The following SPAG1 variants were observed in gnomAD, a reference collection of about 807,000 sequenced individuals.
The protein encoded by SPAG1 is sperm-associated antigen 1.
A neutral mutation model predicts 100.5 loss-of-function variants in SPAG1; 69 were observed. The observed-to-expected ratio is 0.69, with a 90% CI of 0.57 to 0.84. The LOEUF (loss-of-function observed/expected upper bound fraction) is 0.84. Among genes scored for constraint, SPAG1 ranks in the 40% least tolerant of loss-of-function variants. The pLI is 0.00. For synonymous variants in SPAG1, 336 were observed against 411.6 expected, an observed-to-expected ratio of 0.82 and a Z score of 2.22; for missense variants, 955 against 1,133.1, an observed-to-expected ratio of 0.84 and a Z score of 2.26.
In SPAG1 at chr8:100,213,100, G is replaced by A; in HGVS notation, c.1107G>A (p.Glu369=). The change falls in exon 11 of 19, where the codon GAG becomes GAA. Residue 369 remains glutamate, a synonymous_variant. Transcript: ENST00000388798. ...EDGGGDKKPA[E]PAGAARAAQP... ...TCCACTTCCTCACAGAGCCCGCGGA[G>A]CCGGCGGGAGCCGCGCGCGCCGCCC... 1 of 1,475,738 alleles carries A rather than the reference G, an allele frequency of 6.8e-7. No homozygotes were observed. Among genetic ancestry groups the A allele is most frequent in the Non-Finnish European group, 8.9e-7 (1 of 1,120,028 alleles). The allele number at this position is 1,475,738 out of a possible 1,614,324, so 91.4% of individuals were successfully genotyped here.
intron 10 of SPAG1, among the ~76,000 whole-genome samples, chr8:100,196,961 G>A (rs545570608): frequency 2.6e-5 from 4 of 151,300 alleles, no homozygotes; most frequent in East Asian, 1.9e-4. Context: ...TCGCCATTTC[G>A]CCCAGGCTGG....
chr8:100,170,305 A>G lies in SPAG1; in HGVS notation c.300+4332A>G, dbSNP rs141979366. On this transcript the variant is annotated intron_variant, in intron 3 of 18. Coordinates refer to ENST00000388798, the MANE Select transcript of SPAG1 (RefSeq NM_003114.5). ...TTATATGTAGCTCATGCTATTATAA[A>G]TGTTAATATTTTTATAATTTCAATT... is the stretch of plus-strand genomic sequence containing the variant. Among the ~76,000 whole-genome samples the G allele has an allele frequency of 4.3e-3, 650 of 152,334 alleles. 4 individuals carry two copies. Among genetic ancestry groups the G allele is most frequent in the African/African-American group, 0.015 (607 of 41,576 alleles).
chr8:100,220,841 G>C (rs1818239387), intron 13 of SPAG1, among the ~76,000 whole-genome samples: 1 of 152,176 alleles, frequency 6.6e-6, no homozygotes, highest in Non-Finnish European at 1.5e-5. Context: ...GGGAGGCCAA[G>C]GCGGGTGGAT....
chr8:100,178,285 T>C (rs1347296803), intron 4 of SPAG1, among the ~76,000 whole-genome samples: 2 of 152,008 alleles, frequency 1.3e-5, no homozygotes, highest in Non-Finnish European at 2.9e-5. Flanking sequence ...CAGGGAACAA[T>C]TGTATATATC....
At chr8:100,174,623 A>C (rs1459281121) in intron 3 of SPAG1, among the ~76,000 whole-genome samples, 1 of 152,176 alleles carries the variant, frequency 6.6e-6, no homozygotes, top group Non-Finnish European at 1.5e-5. Flanking sequence ...CACAGAGGGT[A>C]GATGTTGTGA....
chr8:100,190,877 C>G (rs1050319889), intron 8 of SPAG1, among the ~76,000 whole-genome samples: 18 of 151,856 alleles, frequency 1.2e-4, no homozygotes, highest in African/African-American at 4.3e-4. Flanking sequence ...GCCATGTTGG[C>G]CAGGCTGGTC....
At chr8:100,168,732 G>A (rs1050540162) in intron 3 of SPAG1, among the ~76,000 whole-genome samples, 9 of 117,778 alleles carry the variant, frequency 7.6e-5, no homozygotes, top group Admixed American at 2.2e-4. Flanking sequence ...TTGTTGCCCA[G>A]GCTGGAGTGC....
chr8:100,235,741 T>A (rs550347297), intron 16 of SPAG1, among the ~76,000 whole-genome samples: 1 of 152,152 alleles, frequency 6.6e-6, no homozygotes, highest in East Asian at 1.9e-4. Flanking sequence ...GCAGTCAGCG[T>A]GCATGTCCCG....
At chr8:100,166,174 A>G (rs184326100) in intron 3 of SPAG1, among the ~76,000 whole-genome samples, 1 of 152,346 alleles carries the variant, frequency 6.6e-6, no homozygotes, top group East Asian at 1.9e-4. Flanking sequence ...ATTTAAATTG[A>G]TTAAATAATA....
chr8:100,162,406 T>A lies in SPAG1; in HGVS notation c.126T>A (p.Ile42=). ...CAGATGTTAAACATCTGGAAAAAATTCTTTGCGTGCTCAGGTAAGCATTTT... is the reference window on the plus strand; with the variant it reads ...CAGATGTTAAACATCTGGAAAAAATACTTTGCGTGCTCAGGTAAGCATTTT... ...KCSDVKHLEK[I]LCVLRSGEEG... Residue 42 remains isoleucine, a synonymous_variant, in exon 2 of 19, where the codon ATT becomes ATA. Transcript: ENST00000388798. The A allele has an allele frequency of 6.3e-7, 1 of 1,582,608 alleles. No homozygotes were observed. The highest frequency in any genetic ancestry group is 8.5e-7 in the Non-Finnish European group (1 of 1,169,860).
intron 10 of SPAG1, among the ~76,000 whole-genome samples, chr8:100,196,157 T>C (rs1002986025): frequency 6.6e-6 from 1 of 152,222 alleles, no homozygotes. Context: ...TATTCACTAA[T>C]CATGAGTAAA....
chr8:100,225,233 T>A lies in SPAG1; in HGVS notation c.1749T>A (p.Ile583=), dbSNP rs372357392. The change falls in exon 14 of 19, where the codon ATT becomes ATA. Residue 583 remains isoleucine, a synonymous_variant. Coordinates refer to ENST00000388798, the MANE Select transcript of SPAG1 (RefSeq NM_003114.5). The part of the protein sequence containing the change: ...GPNWREKLSP[I]PAVPASVPLQ... ...ATTGGCGGGAGAAGCTGTCACCTAT[T>A]CCTGCTGTGCCTGCTTCTGTGCCAC... 3.7e-6 allele frequency: 6 copies of A among 1,613,750 alleles called. No individual in the cohort carries two copies. In the African/African-American group the frequency reaches 8.0e-5, roughly 22 times the overall value.
rs1816618331 is a variant in SPAG1 at position 100,187,124 on chromosome 8, A to G, written c.706A>G (p.Ile236Val). 6.2e-7 allele frequency: 1 copy of G among 1,605,310 alleles called. No homozygotes were observed. Among genetic ancestry groups the G allele is most frequent in the Non-Finnish European group, 8.5e-7 (1 of 1,176,498 alleles). The part of the protein sequence containing the change: ...EEAVMYYTRS[I>V]SALPTVVAYN... ...CAGTAACTGTTTCTTTTCTAGGAGC[A>G]TATCAGCGCTTCCCACTGTAGTTGC... The change falls in exon 8 of 19, where the codon ATA becomes GTA. Residue 236 changes from isoleucine to valine, a missense_variant. Ile to Val is a conservative substitution (Grantham distance 29, BLOSUM62 3). Coordinates refer to ENST00000388798, the MANE Select transcript of SPAG1 (RefSeq NM_003114.5).
chr8:100,211,559 G>T (rs1031852385), intron 10 of SPAG1, among the ~76,000 whole-genome samples: 2 of 152,192 alleles, frequency 1.3e-5, no homozygotes, highest in Non-Finnish European at 2.9e-5. Flanking sequence ...TGCTCTGGAA[G>T]CTAAGGGGAG....
chr8:100,178,999 G>A (rs974190728), intron 4 of SPAG1, among the ~76,000 whole-genome samples: 25 of 150,368 alleles, frequency 1.7e-4, no homozygotes, highest in African/African-American at 5.9e-4. Context: ...GGAGGCTGAG[G>A]CACGAGAATT....
In SPAG1 at chr8:100,203,187, C is replaced by T. The variant is rs532308733; in HGVS notation, c.1096+8919C>T. On this transcript the variant is annotated intron_variant, in intron 10 of 18. Coordinates refer to ENST00000388798, the MANE Select transcript of SPAG1 (RefSeq NM_003114.5). ...CTCCCAGCAGCCTACATCTTTCTCCCGTGCTGGGTGCTTCCTGCCCTCGAA... is the reference window on the plus strand; with the variant it reads ...CTCCCAGCAGCCTACATCTTTCTCCTGTGCTGGGTGCTTCCTGCCCTCGAA... Among the ~76,000 whole-genome samples the T allele has an allele frequency of 8.5e-5, 13 of 152,242 alleles. No homozygotes were observed. In the East Asian group the frequency reaches 1.5e-3, roughly 18 times the overall value.
At chr8:100,194,529 G>T in intron 10 of SPAG1, 1 of 562,968 alleles carries the variant, frequency 1.8e-6, no homozygotes, top group Non-Finnish European at 3.1e-6. Flanking sequence ...AAATGGCTGT[G>T]TTTATTTGAC....
At chr8:100,166,173 GATTA>G (rs1815544821) in intron 3 of SPAG1, among the ~76,000 whole-genome samples, 200 bp downstream of exon 3, 2 of 152,206 alleles carry the variant, frequency 1.3e-5, no homozygotes, top group African/African-American at 4.8e-5. Context: ...TATTTAAATT[GATTA>G]AATAATATTC....
intron 14 of SPAG1, 123 bp from the exon 15 acceptor site, chr8:100,231,033 T>C: frequency 1.4e-6 from 1 of 713,882 alleles, no homozygotes; most frequent in Non-Finnish European, 2.1e-6. Context: ...CTAGTTAGAT[T>C]TTCACCCTGC....
Sources: allele counts gnomAD v4.1 joint callset (sites outside exome capture counted in the v4.1 genomes callset), GRCh38; gene constraint gnomAD v4.1.1; transcripts MANE v1.5; gene names NCBI Gene and HGNC (gene_info 2026-07-23, HGNC 2026-07-21).